SUCLG1: variants seen among roughly 807,000 people sequenced by gnomAD.
SUCLG1 encodes the protein succinate-CoA ligase GDP/ADP-forming subunit alpha.
A neutral mutation model predicts 37.3 loss-of-function variants in SUCLG1; 26 were observed. The ratio of observed to expected loss-of-function variants is 0.70; its 90% CI spans 0.51 to 0.97. The LOEUF is 0.97. Among genes scored for constraint, SUCLG1 ranks in the 50% least tolerant of loss-of-function variants. SUCLG1 has a pLI of 0.00. For synonymous variants in SUCLG1, 163 were observed against 155.6 expected (o/e 1.05, Z -0.36); for missense variants, 433 against 432.9 (o/e 1.00, Z 0.00).
At chr2:84,441,958 A>G (rs1205746266) in intron 3 of SUCLG1, among the ~76,000 whole-genome samples, 1 of 152,206 alleles carries the variant, frequency 6.6e-6, no homozygotes, top group Non-Finnish European at 1.5e-5. Flanking sequence ...TACTGCCAGA[A>G]GCTATACTGT....
At chr2:84,424,450 A>G (rs972042757) in intron 8 of SUCLG1, among the ~76,000 whole-genome samples, 1 of 152,098 alleles carries the variant, frequency 6.6e-6, no homozygotes, top group Non-Finnish European at 1.5e-5. Flanking sequence ...CACTCTCACT[A>G]AGCACCTAGA....
At chr2:84,435,100 G>A (rs1389746326) in intron 5 of SUCLG1, among the ~76,000 whole-genome samples, 1 of 152,104 alleles carries the variant, frequency 6.6e-6, no homozygotes, top group Non-Finnish European at 1.5e-5. Flanking sequence ...CTCCAGACTT[G>A]TTTCTTACTA....
chr2:84,447,913 G>A (rs1355590073), intron 2 of SUCLG1, among the ~76,000 whole-genome samples: 1 of 151,746 alleles, frequency 6.6e-6, no homozygotes, highest in African/African-American at 2.4e-5. Flanking sequence ...TGTTTTTTTT[G>A]TAGAGATGGA....
chr2:84,439,095 C>T (rs142699266), intron 5 of SUCLG1, among the ~76,000 whole-genome samples: 17 of 151,666 alleles, frequency 1.1e-4, no homozygotes, highest in Non-Finnish European at 1.8e-4. Flanking sequence ...ACACTCACTG[C>T]GAAGGTCCGC....
chr2:84,425,303 A>T, intron 8 of SUCLG1, 112 bp downstream of exon 8: 1 of 1,316,430 alleles, frequency 7.6e-7, no homozygotes. Context: ...GCTGCACATC[A>T]GAAAACCAAT....
intron 5 of SUCLG1, among the ~76,000 whole-genome samples, chr2:84,435,880 T>C (rs996427125): frequency 1.3e-4 from 20 of 152,336 alleles, no homozygotes; most frequent in Non-Finnish European, 2.4e-4. Flanking sequence ...AAATAAACAC[T>C]GCCACTACTG....
At position 84,443,062 on chromosome 2, in the gene SUCLG1, C is replaced by A. The variant is rs17025058; in HGVS notation, c.318+222G>T. ...AAAGGTAAGGAAAGCGTAAAAAGCC[C>A]AACAGAAGCCTGGCCACAGTACTTC... On this transcript the variant is annotated intron_variant, in intron 3 of 8. Transcript: ENST00000393868. Among the ~76,000 whole-genome samples the A allele has an allele frequency of 0.053, 8,070 of 152,236 alleles. 463 individuals carry two copies. The highest frequency in any genetic ancestry group is 0.14 in the African/African-American group (5,858 of 41,508).
chr2:84,453,333 T>C (rs1672968853), intron 1 of SUCLG1, among the ~76,000 whole-genome samples: 1 of 152,008 alleles, frequency 6.6e-6, no homozygotes, highest in Middle Eastern at 3.4e-3. Flanking sequence ...ATAAAGGCCA[T>C]GAACAAGAAA....
At chr2:84,428,243 A>C in intron 7 of SUCLG1, among the ~76,000 whole-genome samples, 1 of 150,332 alleles carries the variant, frequency 6.7e-6, no homozygotes, top group Non-Finnish European at 1.5e-5. Context: ...CCTCCCCACA[A>C]ATGCCCTCAT....
chr2:84,437,556 C>T (rs1202494267), intron 5 of SUCLG1, among the ~76,000 whole-genome samples: 1 of 152,200 alleles, frequency 6.6e-6, no homozygotes, highest in African/African-American at 2.4e-5. Flanking sequence ...GCTGGCAAGG[C>T]TGTAGAGAAA....
At chr2:84,446,696 AAAGG>A (rs1164637652) in intron 2 of SUCLG1, among the ~76,000 whole-genome samples, 1 of 152,160 alleles carries the variant, frequency 6.6e-6, no homozygotes, top group African/African-American at 2.4e-5. Context: ...AACAACAAAA[AAAGG>A]AAGGAAGGAA....
At chr2:84,425,006 C>T (rs1672512215) in intron 8 of SUCLG1, among the ~76,000 whole-genome samples, 1 of 152,152 alleles carries the variant, frequency 6.6e-6, no homozygotes. Flanking sequence ...CCTCCAACCT[C>T]CTCTCCCTAG....
At chr2:84,441,498 A>G in intron 3 of SUCLG1, 39 bp from the exon 4 acceptor site, 1 of 1,586,722 alleles carries the variant, frequency 6.3e-7, no homozygotes, top group South Asian at 1.1e-5. Context: ...TATTTGTTAA[A>G]TCATAAACAT....
At chr2:84,450,334 G>C (rs951771474) in intron 1 of SUCLG1, among the ~76,000 whole-genome samples, 2 of 147,086 alleles carry the variant, frequency 1.4e-5, no homozygotes, top group Non-Finnish European at 3.0e-5. Context: ...AATCTCTTCT[G>C]ATATGAACTC....
At chr2:84,457,653 G>A (rs577057807) in intron 1 of SUCLG1, among the ~76,000 whole-genome samples, 2 of 152,274 alleles carry the variant, frequency 1.3e-5, no homozygotes, top group East Asian at 3.9e-4. Context: ...ACACAGGTGG[G>A]CAACTTCTTC....
intron 2 of SUCLG1, chr2:84,448,948 C>A: frequency 2.5e-6 from 1 of 404,172 alleles, no homozygotes; most frequent in Non-Finnish European, 5.2e-6. Flanking sequence ...GAAGGAGTTC[C>A]TGGGGAGTAG....
chr2:84,441,314 A>T lies in SUCLG1; in HGVS notation c.464T>A (p.Val155Asp), dbSNP rs1182784202. The T allele has an allele frequency of 3.7e-6, 6 of 1,613,694 alleles. No homozygotes were observed. The African/African-American group carries it at 8.0e-5, about 22-fold the overall frequency. Reference sequence around the variant, plus strand: ...TTCCTGGCGCAGCAGTTTGTGCTTGACTCGTACCATGTCCTGCTGGGGAAT... The same window carrying T: ...TTCCTGGCGCAGCAGTTTGTGCTTGTCTCGTACCATGTCCTGCTGGGGAAT... ...EGIPQQDMVR[V>D]KHKLLRQEKT... The change falls in exon 4 of 9, where the codon GTC becomes GAC. Residue 155 changes from valine (V) to aspartate (D), a missense_variant. Coordinates refer to ENST00000393868, the MANE Select transcript of SUCLG1 (RefSeq NM_003849.4).
chr2:84,456,962 A>C (rs1331691830), intron 1 of SUCLG1, among the ~76,000 whole-genome samples: 2 of 152,046 alleles, frequency 1.3e-5, no homozygotes, highest in Non-Finnish European at 2.9e-5. Context: ...GTGCCAGGCC[A>C]CTTTTCCTTT....
intron 7 of SUCLG1, among the ~76,000 whole-genome samples, chr2:84,430,144 A>C (rs1336790027): frequency 1.3e-5 from 2 of 152,242 alleles, no homozygotes. Context: ...CGAATGAATC[A>C]AGGCCACTGG....
Sources: gnomAD v4.1 joint callset for allele counts (sites outside exome capture counted in the v4.1 genomes callset) on GRCh38, gnomAD v4.1.1 for gene constraint, MANE v1.5 for transcripts, NCBI Gene and HGNC (gene_info 2026-07-23, HGNC 2026-07-21) for gene names.